The following ALOX12 variants were observed in gnomAD, a reference collection of about 807,000 sequenced individuals.
ALOX12 encodes polyunsaturated fatty acid lipoxygenase ALOX12.
In ALOX12, 62 loss-of-function variants were observed where a neutral mutation model predicts 85.5. That is an observed-to-expected ratio of 0.73 (90% CI 0.59 to 0.90). The LOEUF is 0.90. Ranked by LOEUF, ALOX12 falls within the 40% of genes least tolerant of loss-of-function variation. The pLI, the probability that ALOX12 is intolerant of heterozygous loss-of-function variation, is 0.00. For missense variants in ALOX12, 751 were observed against 856.5 expected (o/e 0.88, Z 1.54); for synonymous variants, 299 against 332.7 (o/e 0.90, Z 1.10).
At chr17:6,998,187 G>A (rs1320780153) in intron 2 of ALOX12, among the ~76,000 whole-genome samples, 4 of 152,114 alleles carry the variant, frequency 2.6e-5, no homozygotes, top group Non-Finnish European at 5.9e-5. Context: ...CCTTAATTAA[G>A]GTGATTTTTT....
rs769538483 is a variant in ALOX12 at position 7,010,126 on chromosome 17, G to A, written c.1812G>A (p.Met604Ile). 1.6e-5 allele frequency: 25 copies of A among 1,610,036 alleles called. No individual in the cohort carries two copies. The East Asian group carries it at 5.1e-4, about 33-fold the overall frequency. ...SWHLSRRQPD[M>I]VPLGHHKEKY... is the part of the protein sequence containing the mutation. ...ATCTGAGTCGCCGCCAGCCAGACAT[G>A]GTGAGAGGGGACTCTCGGGAGAGGG... Residue 604 changes from methionine to isoleucine, a missense_variant and splice_region_variant, in exon 13 of 14, where the codon ATG becomes ATA. Coordinates refer to ENST00000251535, the MANE Select transcript of ALOX12 (RefSeq NM_000697.3).
intron 2 of ALOX12, 53 bp from the exon 3 acceptor site, chr17:6,998,456 C>A: frequency 2.5e-6 from 3 of 1,187,512 alleles, no homozygotes; most frequent in South Asian, 1.3e-5. Flanking sequence ...GGACAAGAGG[C>A]GGGCATAGGA....
In ALOX12 at chr17:7,000,106, C is replaced by A. The variant is rs186474555; in HGVS notation, c.808-230C>A. On this transcript the variant is annotated intron_variant, in intron 6 of 13. Transcript: ENST00000251535. The surrounding 1 kb of genome is among the most constrained non-coding windows in gnomAD (Gnocchi z 4.6). ...CCAACTGGATTGAGCAGGCCTGGTT[C>A]CAAACCCAGATCTGCCACCACATCC... Among the ~76,000 whole-genome samples the A allele has an allele frequency of 6.7e-4, 102 of 152,126 alleles. 1 individual carries two copies. Among genetic ancestry groups the A allele is most frequent in the Middle Eastern group, 3.4e-3 (1 of 294 alleles).
intron 1 of ALOX12, among the ~76,000 whole-genome samples, 181 bp downstream of exon 1, chr17:6,996,433 G>A (rs778051929): frequency 8.5e-5 from 13 of 152,106 alleles, no homozygotes; most frequent in Non-Finnish European, 1.8e-4. Context: ...TCCGCAGCTG[G>A]GATCCCGGGC....
At chr17:7,001,919 TGAAGA>T (rs1908733246) in intron 8 of ALOX12, 108 bp downstream of exon 8, 2 of 877,440 alleles carry the variant, frequency 2.3e-6, no homozygotes, top group Admixed American at 4.9e-5. Context: ...AATTTGTGAG[TGAAGA>T]GGAGACTGTC....
chr17:7,003,029 C>A (rs1352863818), intron 8 of ALOX12, among the ~76,000 whole-genome samples: 1 of 152,158 alleles, frequency 6.6e-6, no homozygotes, highest in Non-Finnish European at 1.5e-5. Flanking sequence ...GTAACATAGA[C>A]AAGATGGAGA....
chr17:6,998,915 G>C, intron 4 of ALOX12, 38 bp from the exon 5 acceptor site: 1 of 1,614,010 alleles, frequency 6.2e-7, no homozygotes, highest in East Asian at 2.2e-5. Flanking sequence ...AGGGACTGAG[G>C]GATCAGCTGA....
At position 6,999,071 on chromosome 17, in the gene ALOX12, G is replaced by C. The variant is rs754547740; in HGVS notation, c.646+15G>C. On this transcript the variant is annotated intron_variant, in intron 5 of 13. Coordinates refer to ENST00000251535, the MANE Select transcript of ALOX12 (RefSeq NM_000697.3). The stretch of plus-strand genomic sequence containing the variant: ...TGCCCTGGCTGGTCAGTGGTTCCCC[G>C]AGGTCTCCATAATCCCTTAATGGCC... 1 of 1,610,358 alleles carries C rather than the reference G, an allele frequency of 6.2e-7. No individual in the cohort carries two copies. Among genetic ancestry groups the C allele is most frequent in the Non-Finnish European group, 8.5e-7 (1 of 1,177,470 alleles).
At chr17:7,009,599 G>A (rs1909281986) in intron 11 of ALOX12, 148 bp from the exon 12 acceptor site, 1 of 709,504 alleles carries the variant, frequency 1.4e-6, no homozygotes, top group Non-Finnish European at 2.4e-6. Context: ...AAGTGACTGA[G>A]CCAGGACTTA....
intron 8 of ALOX12, among the ~76,000 whole-genome samples, chr17:7,003,131 A>G (rs1221161932): frequency 3.4e-4 from 51 of 152,180 alleles, no homozygotes; most frequent in Admixed American, 3.3e-3. Context: ...TGAAGCCTCT[A>G]TTCACACTTA....
rs11078659 is a variant in ALOX12 at position 7,000,625 on chromosome 17, G to A, written c.951+146G>A. 0.49 allele frequency: 440,408 copies of A among 903,006 alleles called. 109,812 individuals are homozygous for A. Among genetic ancestry groups the A allele is most frequent in the Middle Eastern group, 0.53 (1,502 of 2,828 alleles). 55.9% of individuals were successfully genotyped at this position (903,006 alleles called of 1,614,324 possible). A position where few individuals can be genotyped will look rare whatever the true frequency, so the allele number is the denominator to read the frequency against. On this transcript the variant is annotated intron_variant, in intron 7 of 13. Coordinates refer to ENST00000251535, the MANE Select transcript of ALOX12 (RefSeq NM_000697.3). The surrounding 1 kb of genome is among the most constrained non-coding windows in gnomAD (Gnocchi z 4.6). ...CATGTCACTATTTGCCTGTACCCTCGTCTCCCCTGCCTCATCCAACTAGAA... is the reference window on the plus strand; with the variant it reads ...CATGTCACTATTTGCCTGTACCCTCATCTCCCCTGCCTCATCCAACTAGAA...
chr17:6,996,250 G>A lies in ALOX12; in HGVS notation c.133G>A (p.Glu45Lys). The A allele has an allele frequency of 2.4e-6, 3 of 1,239,026 alleles. No homozygotes were observed. The highest frequency in any genetic ancestry group is 3.0e-6 in the Non-Finnish European group (3 of 985,842). 76.8% of individuals were successfully genotyped at this position (1,239,026 alleles called of 1,614,324 possible). Residue 45 changes from glutamate to lysine, a missense_variant and splice_region_variant, in exon 1 of 14, where the codon GAG (glutamate) becomes AAG (lysine). Transcript: ENST00000251535. ...GCTGCAGCTGCGGCCCGCGCGGGGC[G>A]AGGTCAGCGCGGGGAGCGAGGGGAG... The part of the protein sequence containing the change: ...LELQLRPARG[E>K]EEEFDHDVAE...
chr17:6,997,621 G>A (rs11078658), intron 2 of ALOX12, among the ~76,000 whole-genome samples: 1 of 147,488 alleles, frequency 6.8e-6, no homozygotes, highest in Admixed American at 6.8e-5. Flanking sequence ...GCAGTGGTGC[G>A]ATCTTGGCTC....
In ALOX12 at chr17:7,009,424, C is replaced by A. The variant is rs1909273213; in HGVS notation, c.1541-323C>A. The A allele has an allele frequency of 1.6e-5, 4 of 245,636 alleles. No homozygotes were observed. In the Admixed American group the frequency reaches 2.0e-4, roughly 12 times the overall value. 15.2% of individuals were successfully genotyped at this position (245,636 alleles called of 1,614,324 possible). On this transcript the variant is annotated intron_variant, in intron 11 of 13. Coordinates refer to ENST00000251535, the MANE Select transcript of ALOX12 (RefSeq NM_000697.3). ...TTTGGTCACTCAGAACTTTTCAGCCCCCAATCCTTCCATAACAATAATTAT... is the reference window on the plus strand; with the variant it reads ...TTTGGTCACTCAGAACTTTTCAGCCACCAATCCTTCCATAACAATAATTAT...
At chr17:7,007,174 C>T (rs565513384) in intron 11 of ALOX12, among the ~76,000 whole-genome samples, 4 of 152,306 alleles carry the variant, frequency 2.6e-5, no homozygotes, top group African/African-American at 9.6e-5. Flanking sequence ...ATCCTTGGGG[C>T]TCAGGTTTCT....
At position 7,001,720 on chromosome 17, in the gene ALOX12, T is replaced by C; in HGVS notation, c.1070T>C (p.Ile357Thr). 1 of 1,614,032 alleles carries C rather than the reference T, an allele frequency of 6.2e-7. No individual in the cohort carries two copies. The highest frequency in any genetic ancestry group is 8.5e-7 in the Non-Finnish European group (1 of 1,179,978). ...VRNSDFQLHE[I>T]QYHLLNTHLV... ...AATTCAGATTTCCAACTGCACGAGATCCAGTATCACTTGCTGAACACTCAC... is the reference window on the plus strand; with the variant it reads ...AATTCAGATTTCCAACTGCACGAGACCCAGTATCACTTGCTGAACACTCAC... Residue 357 changes from isoleucine (I) to threonine (T), a missense_variant, in exon 8 of 14, where the codon ATC becomes ACC. By Grantham distance (89) the Ile-to-Thr change is moderately conservative (BLOSUM62 -1). Coordinates refer to ENST00000251535, the MANE Select transcript of ALOX12 (RefSeq NM_000697.3).
In ALOX12 at chr17:7,005,994, A is replaced by G. The variant is rs1250255908; in HGVS notation, c.1385A>G (p.His462Arg). The change falls in exon 10 of 14, where the codon CAT becomes CGT. Residue 462 changes from histidine (H) to arginine (R), a missense_variant. Coordinates refer to ENST00000251535, the MANE Select transcript of ALOX12 (RefSeq NM_000697.3). The stretch of plus-strand genomic sequence containing the variant: ...GGACTCCCAGGTGCTCTCTATGCCC[A>G]TGATGCTTTACGGCTCTGGGAGATC... ...LLGLPGALYA[H>R]DALRLWEIIA... 1.9e-6 allele frequency: 3 copies of G among 1,552,130 alleles called. No homozygotes were observed. The highest frequency in any genetic ancestry group is 2.5e-5 in the East Asian group (1 of 39,248).
intron 1 of ALOX12, 43 bp downstream of exon 1, chr17:6,996,295 G>T (rs919898022): frequency 1.1e-5 from 14 of 1,221,748 alleles, no homozygotes; most frequent in African/African-American, 6.3e-5. Flanking sequence ...CGGGGACCCC[G>T]GGCCCAGGCC....
chr17:6,998,667 C>G lies in ALOX12; in HGVS notation c.420-48C>G, dbSNP rs1393545307. The G allele has an allele frequency of 1.9e-6, 3 of 1,612,942 alleles. No homozygotes were observed. The African/African-American group carries it at 4.0e-5, about 22-fold the overall frequency. On this transcript the variant is annotated intron_variant, in intron 3 of 13. Coordinates refer to ENST00000251535, the MANE Select transcript of ALOX12 (RefSeq NM_000697.3). ...CTGCCCCTGCCCCTGCCCCTGGCCC[C>G]ATCACTGACCATGACATCCTTCCTG...
Sources: gnomAD v4.1 joint callset for allele counts (sites outside exome capture counted in the v4.1 genomes callset) on GRCh38, gnomAD v4.1.1 for gene constraint, Gnocchi (gnomAD v3.1) non-coding constraint, MANE v1.5 for transcripts, NCBI Gene and HGNC (gene_info 2026-07-23, HGNC 2026-07-21) for gene names.